SLC24A2: variants seen among roughly 807,000 people sequenced by gnomAD.
The protein encoded by SLC24A2 is sodium/potassium/calcium exchanger 2.
Under a neutral mutation model 62.0 loss-of-function variants are expected in SLC24A2, and 36 were observed. The ratio of observed to expected loss-of-function variants is 0.58; its 90% CI spans 0.44 to 0.77. SLC24A2 has a LOEUF of 0.77. Ranked by LOEUF, SLC24A2 falls within the 30% of genes least tolerant of loss-of-function variation. The pLI is 0.00. For synonymous variants in SLC24A2, 358 were observed against 294.0 expected, an observed-to-expected ratio of 1.22 and a Z score of -2.23; for missense variants, 846 against 817.9, an observed-to-expected ratio of 1.03 and a Z score of -0.42.
chr9:20,067,481 G>A, the SLC24A2 span, among the ~76,000 whole-genome samples: 1 of 151,796 alleles, frequency 6.6e-6, no homozygotes, highest in Admixed American at 6.6e-5. Flanking sequence ...ACATGGGTAT[G>A]CTCCCAGGTA....
chr9:19,622,133 G>T, intron 3 of SLC24A2, 128 bp downstream of exon 3: 8 of 766,846 alleles, frequency 1.0e-5, no homozygotes, highest in South Asian at 1.0e-4. Flanking sequence ...CACATCAGGG[G>T]TTAGATTATT....
At chr9:19,557,460 C>T (rs896684996) in intron 7 of SLC24A2, among the ~76,000 whole-genome samples, 4 of 152,194 alleles carry the variant, frequency 2.6e-5, no homozygotes, top group Non-Finnish European at 1.5e-5. Flanking sequence ...CAAAATAATA[C>T]AAGGGAGTTT....
the SLC24A2 span, among the ~76,000 whole-genome samples, chr9:19,915,658 T>A: frequency 6.6e-6 from 1 of 152,120 alleles, no homozygotes; most frequent in African/African-American, 2.4e-5. Flanking sequence ...AGCATCTCAT[T>A]GTGGTTTCTT....
chr9:19,746,234 G>A (rs1456980093), intron 2 of SLC24A2, among the ~76,000 whole-genome samples: 1 of 151,740 alleles, frequency 6.6e-6, no homozygotes, highest in Admixed American at 6.6e-5. Context: ...TTTCCGATGG[G>A]ACCATAAATA....
the SLC24A2 span, among the ~76,000 whole-genome samples, chr9:19,860,785 A>G: frequency 9.9e-5 from 15 of 152,268 alleles, no homozygotes; most frequent in Non-Finnish European, 1.8e-4. Flanking sequence ...GCCTTAAGAG[A>G]ACATTGGCAG....
the SLC24A2 span, among the ~76,000 whole-genome samples, chr9:20,277,114 G>C: frequency 1.3e-5 from 2 of 152,110 alleles, no homozygotes; most frequent in African/African-American, 2.4e-5. Flanking sequence ...TCAGAAAATG[G>C]GGTTTTCCCA....
the SLC24A2 span, among the ~76,000 whole-genome samples, chr9:20,180,246 T>A: frequency 6.6e-6 from 1 of 152,202 alleles, no homozygotes; most frequent in Non-Finnish European, 1.5e-5. Flanking sequence ...AATTCACTAA[T>A]AACACCTGAT....
At chr9:19,527,205 T>C (rs1159371358) in intron 9 of SLC24A2, among the ~76,000 whole-genome samples, 2 of 152,120 alleles carry the variant, frequency 1.3e-5, no homozygotes, top group Non-Finnish European at 1.5e-5. Context: ...AGGATACAAG[T>C]GGGAAGTTTG....
chr9:20,297,603 G>C, the SLC24A2 span, among the ~76,000 whole-genome samples: 1 of 152,224 alleles, frequency 6.6e-6, no homozygotes, highest in African/African-American at 2.4e-5. Context: ...CCATGGCAAT[G>C]GCAGCCCCCA....
chr9:20,280,226 G>A, the SLC24A2 span, among the ~76,000 whole-genome samples: 1 of 152,234 alleles, frequency 6.6e-6, no homozygotes. Flanking sequence ...GGTGGCTCCA[G>A]TGTGATCCCA....
At chr9:20,284,257 T>C in the SLC24A2 span, among the ~76,000 whole-genome samples, 7 of 150,478 alleles carry the variant, frequency 4.7e-5, no homozygotes, top group East Asian at 2.0e-4. Context: ...TGTTTGTCTA[T>C]ATAATTCAAA....
the SLC24A2 span, among the ~76,000 whole-genome samples, chr9:20,200,823 A>T: frequency 1.1e-4 from 16 of 152,300 alleles, no homozygotes; most frequent in African/African-American, 3.6e-4. Context: ...GGATTTTTGG[A>T]AGCAACCAAA....
the SLC24A2 span, among the ~76,000 whole-genome samples, chr9:19,934,731 G>C: frequency 6.6e-6 from 1 of 152,234 alleles, no homozygotes; most frequent in South Asian, 2.1e-4. This position sits in a 1 kb window ranked among gnomAD's most constrained non-coding sequence, Gnocchi z 4.1. Context: ...TTCCCGGAGA[G>C]TTGTAAAGCT....
chr9:19,998,870 G>A, the SLC24A2 span, among the ~76,000 whole-genome samples: 8 of 152,120 alleles, frequency 5.3e-5, no homozygotes, highest in Non-Finnish European at 1.0e-4. Flanking sequence ...CATGTTCAAC[G>A]GCAGCCCTGA....
chr9:19,820,270 T>C, the SLC24A2 span, among the ~76,000 whole-genome samples: 399 of 147,764 alleles, frequency 2.7e-3, 2 homozygotes, highest in Non-Finnish European at 4.4e-3. Flanking sequence ...TACAATGGAG[T>C]TTGGGGGTTT....
the SLC24A2 span, among the ~76,000 whole-genome samples, chr9:19,998,421 A>G: frequency 6.6e-6 from 1 of 152,290 alleles, no homozygotes; most frequent in East Asian, 1.9e-4. Context: ...GCCTTGTGAG[A>G]CATTTTAAAT....
At chr9:20,036,110 G>A in the SLC24A2 span, among the ~76,000 whole-genome samples, 3 of 152,176 alleles carry the variant, frequency 2.0e-5, no homozygotes, top group African/African-American at 7.2e-5. Flanking sequence ...AAAAGAAACC[G>A]AAGTAGATTC....
At chr9:20,290,611 C>T in the SLC24A2 span, among the ~76,000 whole-genome samples, 7 of 152,184 alleles carry the variant, frequency 4.6e-5, no homozygotes, top group African/African-American at 9.7e-5. Context: ...GCTGTTGTGA[C>T]GCCACCACCT....
chr9:20,204,240 G>A, the SLC24A2 span, among the ~76,000 whole-genome samples: 1 of 152,204 alleles, frequency 6.6e-6, no homozygotes, highest in Non-Finnish European at 1.5e-5. Context: ...ATTGCTGAAT[G>A]CCTGCTGGAA....
Sources: allele counts gnomAD v4.1 joint callset (sites outside exome capture counted in the v4.1 genomes callset), GRCh38; gene constraint gnomAD v4.1.1; non-coding constraint Gnocchi (gnomAD v3.1); transcripts MANE v1.5; gene names NCBI Gene and HGNC (gene_info 2026-07-23, HGNC 2026-07-21).